The following ADGRL3 variants were observed in gnomAD, a reference collection of about 807,000 sequenced individuals.
ADGRL3 encodes calcium-independent alpha-latrotoxin receptor 3.
ADGRL3 carries 62 observed loss-of-function variants against 153.5 expected under a neutral mutation model. That is an observed-to-expected ratio of 0.40 (90% CI 0.33 to 0.50). The LOEUF (loss-of-function observed/expected upper bound fraction) is 0.50. Among genes scored for constraint, ADGRL3 ranks in the 20% least tolerant of loss-of-function variants. ADGRL3 has a pLI of 0.47. For synonymous variants in ADGRL3, 710 were observed against 672.5 expected, an observed-to-expected ratio of 1.06 and a Z score of -0.86; for missense variants, 1,641 against 1,859.4, an observed-to-expected ratio of 0.88 and a Z score of 2.16.
At chr4:61,451,750 C>A (rs903756223) in intron 2 of ADGRL3, among the ~76,000 whole-genome samples, 2 of 152,106 alleles carry the variant, frequency 1.3e-5, no homozygotes, top group African/African-American at 4.8e-5. Context: ...GTTTATACAA[C>A]TGGGGTACTT....
intron 4 of ADGRL3, among the ~76,000 whole-genome samples, chr4:61,549,202 T>C (rs1049094306): frequency 1.3e-5 from 2 of 152,136 alleles, no homozygotes; most frequent in Non-Finnish European, 2.9e-5. Context: ...GAGACTTTGC[T>C]GAAGTTGCTT....
chr4:61,637,462 A>G (rs572272249), intron 5 of ADGRL3, among the ~76,000 whole-genome samples: 1 of 152,284 alleles, frequency 6.6e-6, no homozygotes, highest in Admixed American at 6.5e-5. Flanking sequence ...TAATATGGGC[A>G]TAAGTAAAAG....
intron 9 of ADGRL3, among the ~76,000 whole-genome samples, chr4:61,855,405 C>T (rs1490334315): frequency 6.6e-6 from 1 of 152,170 alleles, no homozygotes; most frequent in South Asian, 2.1e-4. Context: ...GCAGTCAAAG[C>T]TAGAAAAAAC....
At chr4:61,268,730 G>A (rs1578052419) in intron 1 of ADGRL3, among the ~76,000 whole-genome samples, 1 of 151,362 alleles carries the variant, frequency 6.6e-6, no homozygotes, top group Non-Finnish European at 1.5e-5. Context: ...AAAATTAAAT[G>A]TTAAACCTGT....
At chr4:61,585,909 T>C (rs2098944600) in intron 4 of ADGRL3, among the ~76,000 whole-genome samples, 1 of 152,010 alleles carries the variant, frequency 6.6e-6, no homozygotes, top group African/African-American at 2.4e-5. Context: ...GAAGGACAAA[T>C]GTTTATTTTT....
intron 9 of ADGRL3, among the ~76,000 whole-genome samples, chr4:61,889,773 A>G (rs1013144164): frequency 3.9e-5 from 6 of 152,160 alleles, no homozygotes; most frequent in East Asian, 1.9e-4. Context: ...GTGGTGTGCC[A>G]TGGCCCGCTG....
intron 9 of ADGRL3, among the ~76,000 whole-genome samples, chr4:61,843,129 G>C (rs956812765): frequency 6.6e-6 from 1 of 152,062 alleles, no homozygotes; most frequent in Non-Finnish European, 1.5e-5. Context: ...ATAGAAGAAA[G>C]ACAGACAGAG....
intron 2 of ADGRL3, among the ~76,000 whole-genome samples, chr4:61,419,340 A>G (rs2097176798): frequency 6.6e-6 from 1 of 150,882 alleles, no homozygotes; most frequent in Admixed American, 6.6e-5. Flanking sequence ...ATATACATTT[A>G]AGAAAGAATA....
intron 8 of ADGRL3, among the ~76,000 whole-genome samples, chr4:61,767,412 A>G (rs2097005255): frequency 6.6e-6 from 1 of 152,038 alleles, no homozygotes; most frequent in African/African-American, 2.4e-5. Context: ...GGCAAGGGAA[A>G]CAGACCCTTG....
chr4:61,909,459 A>C, intron 11 of ADGRL3, 101 bp from the exon 12 acceptor site: 3 of 742,478 alleles, frequency 4.0e-6, no homozygotes, highest in Non-Finnish European at 6.3e-6. Flanking sequence ...CTATTTCTTG[A>C]ATCGATGATT....
At chr4:61,704,149 G>C (rs924802008) in intron 6 of ADGRL3, among the ~76,000 whole-genome samples, 1 of 152,096 alleles carries the variant, frequency 6.6e-6, no homozygotes, top group Non-Finnish European at 1.5e-5. Context: ...TGTATAGGCA[G>C]ACTTTGTTAT....
chr4:62,066,718 T>A (rs1004002645), intron 25 of ADGRL3, among the ~76,000 whole-genome samples: 3 of 152,102 alleles, frequency 2.0e-5, no homozygotes, highest in African/African-American at 7.2e-5. Flanking sequence ...CAGAATATAG[T>A]GAAGAATATA....
At chr4:61,271,151 A>C (rs1331517112) in intron 1 of ADGRL3, among the ~76,000 whole-genome samples, 2 of 151,868 alleles carry the variant, frequency 1.3e-5, no homozygotes. Context: ...TATAGACTCA[A>C]GTGACTTCCG....
rs1248208052 is a variant in ADGRL3, at chr4:62,070,631, T to A, written c.4355T>A (p.Leu1452His). The A allele has an allele frequency of 6.4e-7, 1 of 1,551,328 alleles. No homozygotes were observed. Among genetic ancestry groups the A allele is most frequent in the Non-Finnish European group, 8.7e-7 (1 of 1,146,976 alleles). ...EDLQSPHRDS[L>H]YTSMPTLAGV... ...CTCCAGTCACCCCATAGAGACTCTC[T>A]CTATACCAGCATGCCGACACTGGCT... The change falls in exon 27 of 27, where the codon CTC becomes CAC. Residue 1452 changes from leucine to histidine, a missense_variant. Physicochemically the swap from Leu to His is moderately conservative, Grantham distance 99. Around this residue, in one of 5 missense-constraint regions of ADGRL3, gnomAD observed 517 missense variants for 555.0 expected, o/e 0.93. Transcript: ENST00000683033.
At chr4:61,305,374 G>C (rs183383926) in intron 1 of ADGRL3, among the ~76,000 whole-genome samples, 1 of 152,114 alleles carries the variant, frequency 6.6e-6, no homozygotes, top group African/African-American at 2.4e-5. Context: ...CTTCCAAAAG[G>C]AGTTCAAGTT....
At chr4:61,542,166 G>C (rs940824248) in intron 4 of ADGRL3, among the ~76,000 whole-genome samples, 1 of 152,058 alleles carries the variant, frequency 6.6e-6, no homozygotes, top group African/African-American at 2.4e-5. Context: ...TAAGCTAAAA[G>C]GAACCTTTGG....
intron 5 of ADGRL3, among the ~76,000 whole-genome samples, chr4:61,614,750 T>G (rs1280949493): frequency 6.6e-6 from 1 of 152,170 alleles, no homozygotes; most frequent in African/African-American, 2.4e-5. Flanking sequence ...CCCACCCGCA[T>G]CAGACACACT....
chr4:61,939,270 AC>A (rs1296530296), intron 15 of ADGRL3, among the ~76,000 whole-genome samples: 1 of 152,168 alleles, frequency 6.6e-6, no homozygotes, highest in Non-Finnish European at 1.5e-5. Context: ...ACTAAAATAT[AC>A]ATTTAGCTTG....
chr4:61,606,800 G>A (rs1056016260), intron 5 of ADGRL3, among the ~76,000 whole-genome samples: 1 of 152,108 alleles, frequency 6.6e-6, no homozygotes, highest in African/African-American at 2.4e-5. Context: ...CTTGCATAAT[G>A]AGGATAGAAT....
Sources: allele counts gnomAD v4.1 joint callset (sites outside exome capture counted in the v4.1 genomes callset), GRCh38; gene constraint gnomAD v4.1.1; regional missense constraint gnomAD v4.1.1; transcripts MANE v1.5; gene names NCBI Gene and HGNC (gene_info 2026-07-23, HGNC 2026-07-21).